The following ADGRL3 variants were observed in gnomAD, a reference collection of about 807,000 sequenced individuals.
The protein encoded by ADGRL3 is adhesion G protein-coupled receptor L3, also known as calcium-independent alpha-latrotoxin receptor 3.
A neutral mutation model predicts 153.5 loss-of-function variants in ADGRL3; 62 were observed. That is an observed-to-expected ratio of 0.40 (90% confidence interval 0.33 to 0.50). The LOEUF (loss-of-function observed/expected upper bound fraction) is 0.50, where lower values mean the gene tolerates loss of function less well. Ranked by LOEUF, ADGRL3 falls within the 20% of genes least tolerant of loss-of-function variation. The probability of loss-of-function intolerance (pLI) is 0.47; values close to 1 mark genes in which losing one functional copy is unlikely to be tolerated. For missense variants in ADGRL3, 1,641 were observed against 1,859.4 expected, an observed-to-expected ratio of 0.88 and a Z score of 2.16; for synonymous variants, 710 against 672.5, an observed-to-expected ratio of 1.06 and a Z score of -0.86.
At chr4:61,946,347 C>T (rs1461308325) in intron 15 of ADGRL3, among the ~76,000 whole-genome samples, 4 of 151,994 alleles carry the variant, frequency 2.6e-5, no homozygotes, top group African/African-American at 9.7e-5. Context: ...TGTCTATTGG[C>T]CTTTCCTTTA....
At chr4:61,970,322 T>C (rs926004378) in intron 17 of ADGRL3, among the ~76,000 whole-genome samples, 2 of 152,316 alleles carry the variant, frequency 1.3e-5, no homozygotes, top group Admixed American at 6.5e-5. Context: ...CCTAGCTTCA[T>C]TTCCTACCTT....
At position 61,898,887 on chromosome 4, in the gene ADGRL3, G is replaced by C. The variant is rs568177822; in HGVS notation, c.1887+3053G>C. Among the ~76,000 whole-genome samples, 33 of 152,216 alleles carry C rather than the reference G, an allele frequency of 2.2e-4. 1 individual carries two copies. The South Asian group carries it at 6.4e-3, about 30-fold the overall frequency. On this transcript the variant is annotated intron_variant, in intron 11 of 26. Coordinates refer to ENST00000683033, the MANE Select transcript of ADGRL3 (RefSeq NM_001387552.1). ...CTGTCATAGCCTCCCAAAGTGCTAGGATTACAGGAGTGAGCCACCATGCCC... is the reference window on the plus strand; with the variant it reads ...CTGTCATAGCCTCCCAAAGTGCTAGCATTACAGGAGTGAGCCACCATGCCC...
chr4:61,539,903 C>T (rs1214217072), intron 4 of ADGRL3, among the ~76,000 whole-genome samples: 1 of 152,120 alleles, frequency 6.6e-6, no homozygotes, highest in Non-Finnish European at 1.5e-5. Flanking sequence ...TGACTTCTTC[C>T]CATGGGCTGT....
intron 2 of ADGRL3, among the ~76,000 whole-genome samples, chr4:61,473,450 A>G (rs549561286): frequency 2.0e-5 from 3 of 152,190 alleles, no homozygotes; most frequent in African/African-American, 7.2e-5. Context: ...ATATATAGTT[A>G]AGAGAAGTCT....
chr4:61,840,270 G>T (rs2098009496), intron 9 of ADGRL3, among the ~76,000 whole-genome samples: 1 of 151,816 alleles, frequency 6.6e-6, no homozygotes, highest in African/African-American at 2.4e-5. Flanking sequence ...TGTGGAGACG[G>T]TGTTTCACCA....
At chr4:61,935,171 A>T in intron 14 of ADGRL3, 148 bp downstream of exon 14, 1 of 659,748 alleles carries the variant, frequency 1.5e-6, no homozygotes, top group Admixed American at 2.9e-5. Context: ...AGAGGGCATC[A>T]CTTGTCATTG....
chr4:61,980,517 G>A (rs1290938810), intron 18 of ADGRL3, among the ~76,000 whole-genome samples: 1 of 151,598 alleles, frequency 6.6e-6, no homozygotes, highest in Non-Finnish European at 1.5e-5. Context: ...CTGGCCCACT[G>A]CAATCTCCAC....
At chr4:61,905,619 G>T (rs2098691688) in intron 11 of ADGRL3, among the ~76,000 whole-genome samples, 1 of 152,076 alleles carries the variant, frequency 6.6e-6, no homozygotes, top group Non-Finnish European at 1.5e-5. Context: ...GTTGGGCCAG[G>T]TGCAGTAGTT....
intron 17 of ADGRL3, among the ~76,000 whole-genome samples, chr4:61,950,333 A>C (rs2098942287): frequency 6.6e-6 from 1 of 152,194 alleles, no homozygotes; most frequent in Non-Finnish European, 1.5e-5. Context: ...GGGAAAATTG[A>C]ATAAGTATAA....
rs373754154 is a variant in ADGRL3 at position 61,899,489 on chromosome 4, C to T, written c.1887+3655C>T. Among the ~76,000 whole-genome samples, 19 of 152,022 alleles carry T rather than the reference C, an allele frequency of 1.2e-4. 1 individual carries two copies. The South Asian group carries it at 4.0e-3, about 32-fold the overall frequency. ...TGTAAAGCAAAGGAACACTTTTTAC[C>T]CCCAATGGAAACACAGGTGAAAAAA... On this transcript the variant is annotated intron_variant, in intron 11 of 26. Coordinates refer to ENST00000683033, the MANE Select transcript of ADGRL3 (RefSeq NM_001387552.1).
intron 2 of ADGRL3, among the ~76,000 whole-genome samples, chr4:61,452,704 A>C (rs2097690126): frequency 6.6e-6 from 1 of 152,184 alleles, no homozygotes; most frequent in Non-Finnish European, 1.5e-5. Flanking sequence ...GCTATAGTGA[A>C]TATAATATGT....
intron 5 of ADGRL3, among the ~76,000 whole-genome samples, chr4:61,619,096 C>G (rs1013204758): frequency 2.6e-5 from 4 of 152,134 alleles, no homozygotes; most frequent in Admixed American, 2.6e-4. Context: ...TTGTAGAAGG[C>G]AAGTCACAGA....
chr4:61,487,305 C>T (rs945329512), intron 2 of ADGRL3, among the ~76,000 whole-genome samples: 3 of 152,290 alleles, frequency 2.0e-5, no homozygotes, highest in Non-Finnish European at 4.4e-5. Context: ...TCGATTTCCT[C>T]ATTTGCCAAT....
chr4:62,047,409 C>A (rs887083885), intron 25 of ADGRL3, among the ~76,000 whole-genome samples: 1 of 151,992 alleles, frequency 6.6e-6, no homozygotes, highest in African/African-American at 2.4e-5. Context: ...CTTTAGGATC[C>A]ATTAGGAATA....
intron 8 of ADGRL3, among the ~76,000 whole-genome samples, chr4:61,742,474 G>A (rs938375484): frequency 1.3e-4 from 20 of 151,942 alleles, no homozygotes; most frequent in African/African-American, 4.8e-4. Context: ...TAGAGACGGG[G>A]CTTCACCATG....
At chr4:61,232,731 G>T (rs923623006) in intron 1 of ADGRL3, among the ~76,000 whole-genome samples, 5 of 152,134 alleles carry the variant, frequency 3.3e-5, no homozygotes, top group Non-Finnish European at 7.4e-5. Flanking sequence ...GGTAAGACAT[G>T]TAAACCATTT....
chr4:61,778,639 G>A (rs960183994), intron 8 of ADGRL3, among the ~76,000 whole-genome samples: 1 of 152,152 alleles, frequency 6.6e-6, no homozygotes, highest in African/African-American at 2.4e-5. Context: ...AGGAATAGGT[G>A]GGTATATTCA....
chr4:61,257,840 T>C (rs1259092412), intron 1 of ADGRL3, among the ~76,000 whole-genome samples: 1 of 137,748 alleles, frequency 7.3e-6, no homozygotes, highest in East Asian at 1.9e-4. Context: ...ATTAGAGGTG[T>C]GTGTGTGTGT....
intron 2 of ADGRL3, among the ~76,000 whole-genome samples, chr4:61,483,661 C>T (rs569994338): frequency 5.3e-5 from 8 of 151,974 alleles, no homozygotes; most frequent in South Asian, 2.1e-4. Context: ...TGCTTGAACT[C>T]GGGAAGGGGA....
Sources: gnomAD v4.1 joint callset for allele counts (sites outside exome capture counted in the v4.1 genomes callset) on GRCh38, gnomAD v4.1.1 for gene constraint, MANE v1.5 for transcripts, NCBI Gene and HGNC (gene_info 2026-07-23, HGNC 2026-07-21) for gene names.